The following VBP1 variants were observed in gnomAD, a reference collection of about 807,000 sequenced individuals.
The protein encoded by VBP1 is prefoldin subunit 3.
In VBP1, 4 loss-of-function variants were observed where a neutral mutation model predicts 15.5. The observed-to-expected ratio is 0.26, with a 90% CI of 0.13 to 0.59. The LOEUF is 0.59. Among genes scored for constraint, VBP1 ranks in the 20% least tolerant of loss-of-function variants. VBP1 has a pLI of 0.90. For synonymous variants in VBP1, 61 were observed against 52.1 expected (o/e 1.17, Z -0.74); for missense variants, 108 against 139.6 (o/e 0.77, Z 1.14).
chrX:155,223,772 G>T (rs2074703113), intron 2 of VBP1, among the ~76,000 whole-genome samples: 1 of 108,676 alleles, frequency 9.2e-6, no homozygotes. Context: ...AGACGGGGCG[G>T]CCGGGCAGAG....
chrX:155,231,094 G>A (rs2074743985), intron 4 of VBP1, among the ~76,000 whole-genome samples: 1 of 112,260 alleles, frequency 8.9e-6, no homozygotes, highest in Non-Finnish European at 1.9e-5. Context: ...TTCTGCTTAA[G>A]CTGCCAGAGT....
At chrX:155,201,092 A>G (rs1270785041) in intron 1 of VBP1, among the ~76,000 whole-genome samples, 1 of 111,330 alleles carries the variant, frequency 9.0e-6, no homozygotes, top group East Asian at 2.8e-4. Flanking sequence ...GACCAATAAC[A>G]GGCCCTGAAA....
At chrX:155,225,814 G>A (rs782464265) in intron 2 of VBP1, among the ~76,000 whole-genome samples, 1 of 111,499 alleles carries the variant, frequency 9.0e-6, no homozygotes, top group Non-Finnish European at 1.9e-5. Context: ...GCAATCTATG[G>A]CATCCAGATT....
rs782619821 is a variant in VBP1 at position 155,200,822 on chromosome X, A to C, written c.-31+3683A>C. Among the ~76,000 whole-genome samples the C allele has an allele frequency of 4.5e-5, 5 of 110,749 alleles. No individual in the cohort carries two copies. The East Asian group carries it at 8.5e-4, about 19-fold the overall frequency. The stretch of plus-strand genomic sequence containing the variant: ...TTCAAAAAGTTAATGAATCCAGGAG[A>C]TGGTTTTTTGAAAGGATCAACAAAA... On this transcript the variant is annotated intron_variant, in intron 1 of 6. Coordinates refer to the VBP1 transcript ENST00000535916.
At chrX:155,199,389 A>G (rs2074592391) in intron 1 of VBP1, among the ~76,000 whole-genome samples, 2 of 111,848 alleles carry the variant, frequency 1.8e-5, no homozygotes, top group Admixed American at 1.9e-4. Flanking sequence ...AGGGAAGCCC[A>G]TCAGACTAAC....
chrX:155,202,189 G>T (rs1427328358), intron 1 of VBP1, among the ~76,000 whole-genome samples: 2 of 111,684 alleles, frequency 1.8e-5, no homozygotes, highest in African/African-American at 3.3e-5. Flanking sequence ...TACTGCCCAA[G>T]GTAATTTATA....
chrX:155,208,519 C>T (rs897922233), intron 1 of VBP1, among the ~76,000 whole-genome samples: 1 of 112,179 alleles, frequency 8.9e-6, no homozygotes, highest in Admixed American at 9.4e-5. Flanking sequence ...CACCTACAAA[C>T]TTCCTTTCTT....
chrX:155,200,872 T>C (rs1485810657), intron 1 of VBP1, among the ~76,000 whole-genome samples: 3 of 108,971 alleles, frequency 2.8e-5, no homozygotes, highest in East Asian at 2.9e-4. Flanking sequence ...GCAAGACTAA[T>C]AAAGAAGAAA....
chrX:155,236,473 A>C, intron 5 of VBP1, 106 bp downstream of exon 5: 1 of 936,480 alleles, frequency 1.1e-6, no homozygotes, highest in Non-Finnish European at 1.4e-6. Context: ...TAGCTGATGC[A>C]TGCTGGGCTT....
chrX:155,209,101 T>C lies in VBP1; in HGVS notation c.78+120T>C, dbSNP rs1414511318. 9 of 625,840 alleles carry C rather than the reference T, an allele frequency of 1.4e-5. No individual in the cohort carries two copies. In the Admixed American group the frequency reaches 2.5e-4, roughly 17 times the overall value. 51.6% of individuals were successfully genotyped at this position (625,840 alleles called of 1,213,427 possible). ...TCTTTTGTATACTGTTGGTCTCTCA[T>C]AGAAGAAAGCATAGTTCTAACATTT... On this transcript the variant is annotated intron_variant, in intron 2 of 6. Transcript: ENST00000535916.
chrX:155,225,565 A>G (rs1286199222), intron 2 of VBP1, among the ~76,000 whole-genome samples: 1 of 111,651 alleles, frequency 9.0e-6, no homozygotes, highest in African/African-American at 3.3e-5. Flanking sequence ...GTGCTGTGTC[A>G]TTGGTGGTCT....
chrX:155,232,218 G>T (rs2074750544), intron 4 of VBP1, among the ~76,000 whole-genome samples: 1 of 107,205 alleles, frequency 9.3e-6, no homozygotes, highest in African/African-American at 3.4e-5. Context: ...TTTTCTGTTG[G>T]ATTCTTTTTC....
At chrX:155,204,386 C>T (rs1427123380) in intron 1 of VBP1, among the ~76,000 whole-genome samples, 1 of 111,436 alleles carries the variant, frequency 9.0e-6, no homozygotes, top group Non-Finnish European at 1.9e-5. Context: ...CTCCTGACCT[C>T]AGGTGATCCG....
At chrX:155,211,597 C>G (rs1454331838), upstream of VBP1, among the ~76,000 whole-genome samples, 1 of 112,240 alleles carries the variant, frequency 8.9e-6, no homozygotes, top group Non-Finnish European at 1.9e-5. Flanking sequence ...TTTGGGCTTT[C>G]ATATTTCAAG....
chrX:155,201,029 C>G (rs1339895564), intron 1 of VBP1, among the ~76,000 whole-genome samples: 1 of 111,421 alleles, frequency 9.0e-6, no homozygotes, highest in African/African-American at 3.3e-5. Context: ...ATAAATTCCT[C>G]GACACATACA....
At chrX:155,228,066 T>C (rs1338184013) in intron 3 of VBP1, among the ~76,000 whole-genome samples, 1 of 110,874 alleles carries the variant, frequency 9.0e-6, no homozygotes, top group Non-Finnish European at 1.9e-5. Flanking sequence ...CACTCGGGGG[T>C]GTGTGTGTGT....
upstream of VBP1, among the ~76,000 whole-genome samples, chrX:155,214,958 G>A (rs2074657413): frequency 2.7e-5 from 3 of 110,414 alleles, no homozygotes; most frequent in South Asian, 1.2e-3. Flanking sequence ...GTACCTGTAA[G>A]GGAGTAAAAC....
intron 2 of VBP1, among the ~76,000 whole-genome samples, chrX:155,226,078 A>G (rs782479287): frequency 8.0e-5 from 9 of 111,973 alleles, no homozygotes; most frequent in African/African-American, 2.9e-4. Context: ...CTCTAATAAT[A>G]TTTAGTAAAT....
intron 2 of VBP1, among the ~76,000 whole-genome samples, chrX:155,224,286 C>T (rs963063243): frequency 1.8e-5 from 2 of 112,555 alleles, no homozygotes; most frequent in African/African-American, 3.2e-5. Flanking sequence ...GCCGAGATCA[C>T]GCCACTGCAC....
Sources: gnomAD v4.1 joint callset for allele counts (sites outside exome capture counted in the v4.1 genomes callset) on GRCh38, gnomAD v4.1.1 for gene constraint, MANE v1.5 for transcripts, NCBI Gene and HGNC (gene_info 2026-07-23, HGNC 2026-07-21) for gene names.